Variants in COL3A1 observed in about 807,000 individuals in gnomAD.
COL3A1 encodes the protein collagen type III alpha 1 chain.
Under a neutral mutation model 200.9 loss-of-function variants are expected in COL3A1, and 46 were observed. That is an observed-to-expected ratio of 0.23 (90% CI 0.18 to 0.29). COL3A1 has a LOEUF of 0.29. COL3A1 is among the 10% of genes least tolerant of loss of function. COL3A1 has a pLI of 1.00. For synonymous variants in COL3A1, 650 were observed against 628.0 expected, an observed-to-expected ratio of 1.03 and a Z score of -0.52; for missense variants, 1,367 against 1,917.6, an observed-to-expected ratio of 0.71 and a Z score of 5.36.
chr2:189,005,570 C>A, intron 41 of COL3A1, 113 bp downstream of exon 41: 1 of 821,850 alleles, frequency 1.2e-6, no homozygotes, highest in South Asian at 1.4e-5. Flanking sequence ...TAGCAAAGTT[C>A]TTCTATCTCT....
At chr2:188,990,200 C>A in intron 9 of COL3A1, 51 bp downstream of exon 9, 1 of 1,595,684 alleles carries the variant, frequency 6.3e-7, no homozygotes, top group Non-Finnish European at 8.6e-7. Context: ...AGCTTGAAAA[C>A]TATTATGTAA....
At chr2:189,001,258 T>C (rs1688454447) in intron 32 of COL3A1, 139 bp from the exon 33 acceptor site, 2 of 737,418 alleles carry the variant, frequency 2.7e-6, no homozygotes, top group South Asian at 1.7e-5. Context: ...GAGAAAAGCA[T>C]AGCATTCAAG....
At chr2:188,996,573 T>G in intron 24 of COL3A1, 77 bp downstream of exon 24, 2 of 1,228,078 alleles carry the variant, frequency 1.6e-6, no homozygotes, top group Non-Finnish European at 2.4e-6. Flanking sequence ...AAAGAAATGG[T>G]CAAAACTCAG....
chr2:189,000,019 C>A, intron 32 of COL3A1, 124 bp downstream of exon 32: 2 of 928,452 alleles, frequency 2.2e-6, no homozygotes, highest in Non-Finnish European at 3.4e-6. Flanking sequence ...CACCTAAAGA[C>A]CCGAATGACT....
In COL3A1 at chr2:189,004,232, G is replaced by A. The variant is rs144780447; in HGVS notation, c.2824-25G>A. 6.1e-4 allele frequency: 984 copies of A among 1,600,016 alleles called. 17 individuals carry two copies. The Admixed American group carries it at 0.016, about 26-fold the overall frequency. ...GAAAAACACTGTCACATAAAGATGAGCTAAGTCTTCATTATCTGTATTAGG... is the reference window on the plus strand; with the variant it reads ...GAAAAACACTGTCACATAAAGATGAACTAAGTCTTCATTATCTGTATTAGG... On this transcript the variant is annotated intron_variant, in intron 39 of 50. Coordinates refer to ENST00000304636, the MANE Select transcript of COL3A1 (RefSeq NM_000090.4).
Position 188,998,291 on chromosome 2 carries a change from C to T in COL3A1, c.1949C>T (p.Pro650Leu). Residue 650 changes from proline (P) to leucine (L), a missense_variant, in exon 28 of 51, where the codon CCA becomes CTA. Pro to Leu is a moderately conservative substitution (Grantham distance 98). Around this residue, in one of 5 missense-constraint regions of COL3A1, gnomAD observed 846 missense variants for 1,147.9 expected, o/e 0.74. Transcript: ENST00000304636. ...LQGLPGTGGP[P>L]GENGKPGEPG... ...GGCTTGCCTGGTACAGGTGGTCCTCCAGGAGAAAATGGAAAACCTGGGGAA... is the reference window on the plus strand; with the variant it reads ...GGCTTGCCTGGTACAGGTGGTCCTCTAGGAGAAAATGGAAAACCTGGGGAA... 6.2e-7 allele frequency: 1 copy of T among 1,613,758 alleles called. No homozygotes were observed. Among genetic ancestry groups the T allele is most frequent in the East Asian group, 2.2e-5 (1 of 44,866 alleles).
chr2:188,984,767 A>G lies in COL3A1; in HGVS notation c.87A>G (p.Glu29=). Residue 29 remains glutamate (E), a synonymous_variant, in exon 2 of 51, where the codon GAA becomes GAG. Transcript: ENST00000304636. ...ATCTAACTTGTTTTTCAGCTGTTGAAGGAGGATGTTCCCATCTTGGTCAGT... is the reference window on the plus strand; with the variant it reads ...ATCTAACTTGTTTTTCAGCTGTTGAGGGAGGATGTTCCCATCTTGGTCAGT... ...TIILAQQEAV[E]GGCSHLGQSY... is the part of the protein sequence containing the mutation. 6.2e-7 allele frequency: 1 copy of G among 1,612,938 alleles called. No homozygotes were observed.
intron 16 of COL3A1, 56 bp from the exon 17 acceptor site, chr2:188,993,982 T>C (rs1384722059): frequency 6.5e-7 from 1 of 1,539,378 alleles, no homozygotes; most frequent in Non-Finnish European, 9.0e-7. Flanking sequence ...CAACTTCAAA[T>C]ATATACGAAC....
Position 188,994,704 on chromosome 2 carries a change from C to A in COL3A1, c.1348-20C>A. On this transcript the variant is annotated intron_variant, in intron 19 of 50. Transcript: ENST00000304636. This position sits in a 1 kb window ranked among gnomAD's most constrained non-coding sequence, Gnocchi z 4.5. ...ATTCAGTCATAATTTCTTTATTTTACCATCTTTTTTTTTTTTCAGGGTGAG... is the reference window on the plus strand; with the variant it reads ...ATTCAGTCATAATTTCTTTATTTTAACATCTTTTTTTTTTTTCAGGGTGAG... 6.2e-7 allele frequency: 1 copy of A among 1,605,512 alleles called. No homozygotes were observed. The highest frequency in any genetic ancestry group is 8.5e-7 in the Non-Finnish European group (1 of 1,174,144).
At chr2:188,987,284 G>T in intron 5 of COL3A1, 145 bp downstream of exon 5, 1 of 709,640 alleles carries the variant, frequency 1.4e-6, no homozygotes. Flanking sequence ...AAAGAAAATG[G>T]TAGCATTATC....
chr2:189,001,515 A>G, intron 33 of COL3A1, 21 bp from the exon 34 acceptor site: 1 of 1,614,166 alleles, frequency 6.2e-7, no homozygotes, highest in Non-Finnish European at 8.5e-7. Context: ...CAAGACAGTG[A>G]CATGGCTTCT....
chr2:188,985,136 G>A (rs964017754), intron 2 of COL3A1, 61 bp from the exon 3 acceptor site: 1 of 1,521,676 alleles, frequency 6.6e-7, no homozygotes, highest in Non-Finnish European at 9.1e-7. Context: ...TTAGAATCTG[G>A]GTTACTAAAT....
At chr2:189,008,557 T>C (rs1034051639) in intron 47 of COL3A1, 23 of 394,332 alleles carry the variant, frequency 5.8e-5, no homozygotes, top group African/African-American at 3.7e-4. Flanking sequence ...TCCATGCCTT[T>C]GGGTAAATGA....
In COL3A1 at chr2:189,003,043, C is replaced by T; in HGVS notation, c.2534C>T (p.Pro845Leu). 1 of 1,551,360 alleles carries T rather than the reference C, an allele frequency of 6.4e-7. No individual in the cohort carries two copies. The highest frequency in any genetic ancestry group is 8.7e-7 in the Non-Finnish European group (1 of 1,146,788). ...GGCCCTCCTGGAGTTGCAGGACCCC[C>T]TGGAGGTTCTGGACCTGCTGTAAGT... Reference protein sequence around the residue: ...EGGPPGVAGPPGGSGPAGPPG... With the variant: ...EGGPPGVAGPLGGSGPAGPPG... Residue 845 changes from proline (P) to leucine (L), a missense_variant, in exon 36 of 51, where the codon CCT becomes CTT. Physicochemically the swap from Pro to Leu is moderately conservative, Grantham distance 98. Coordinates refer to ENST00000304636, the MANE Select transcript of COL3A1 (RefSeq NM_000090.4).
At chr2:188,996,914 G>A (rs1272595328) in intron 24 of COL3A1, among the ~76,000 whole-genome samples, 7 of 152,000 alleles carry the variant, frequency 4.6e-5, no homozygotes, top group East Asian at 3.9e-4. Context: ...ACTAGAACCC[G>A]GGGGGCAGAG....
In COL3A1 at chr2:188,984,736, C is replaced by G. The variant is rs769911641; in HGVS notation, c.80-24C>G. On this transcript the variant is annotated intron_variant, in intron 1 of 50. Transcript: ENST00000304636. ...CTTTCAGCAAAACCTAAGGAAACTT[C>G]ACGTCATCTAACTTGTTTTTCAGCT... 6.2e-6 allele frequency: 10 copies of G among 1,608,784 alleles called. No individual in the cohort carries two copies. The South Asian group carries it at 9.9e-5, about 16-fold the overall frequency.
At chr2:189,008,570 TA>T in intron 47 of COL3A1, 1 of 404,920 alleles carries the variant, frequency 2.5e-6, no homozygotes, top group Non-Finnish European at 4.5e-6. Flanking sequence ...GTAAATGAAA[TA>T]AAAACAATTA....
chr2:188,989,601 G>A (rs1252779819), intron 8 of COL3A1, 152 bp downstream of exon 8: 1 of 652,730 alleles, frequency 1.5e-6, no homozygotes. Context: ...TAATTTTTGA[G>A]TAGCTATACA....
intron 1 of COL3A1, 107 bp downstream of exon 1, chr2:188,974,675 C>T (rs1340954727): frequency 2.3e-6 from 2 of 851,206 alleles, no homozygotes; most frequent in East Asian, 2.4e-5. Context: ...AGATAATTTC[C>T]TCTATAAGCT....
Sources: gnomAD v4.1 joint callset for allele counts (sites outside exome capture counted in the v4.1 genomes callset) on GRCh38, gnomAD v4.1.1 for gene constraint, gnomAD v4.1.1 regional missense constraint, Gnocchi (gnomAD v3.1) non-coding constraint, MANE v1.5 for transcripts, NCBI Gene and HGNC (gene_info 2026-07-23, HGNC 2026-07-21) for gene names.